The following CHM variants were observed in gnomAD, a reference collection of about 807,000 sequenced individuals.
The protein encoded by CHM is CHM Rab escort protein.
Under a neutral mutation model 49.0 loss-of-function variants are expected in CHM, and 10 were observed. That is an observed-to-expected ratio of 0.20 (90% CI 0.13 to 0.35). The LOEUF (loss-of-function observed/expected upper bound fraction) is 0.35, where lower values mean the gene tolerates loss of function less well. CHM is among the 10% of genes least tolerant of loss of function. The pLI, the probability that CHM is intolerant of heterozygous loss-of-function variation, is 1.00. For synonymous variants in CHM, 184 were observed against 167.5 expected (o/e 1.10, Z -0.76); for missense variants, 455 against 478.4 (o/e 0.95, Z 0.46).
intron 12 of CHM, among the ~76,000 whole-genome samples, chrX:85,880,487 C>G (rs1924694609): frequency 9.0e-6 from 1 of 111,074 alleles, no homozygotes; most frequent in South Asian, 3.8e-4. Flanking sequence ...GCCCAAAGTT[C>G]TCAATTTTCC....
chrX:85,896,029 C>A (rs187802441), intron 11 of CHM, among the ~76,000 whole-genome samples: 16 of 106,920 alleles, frequency 1.5e-4, no homozygotes, highest in African/African-American at 5.1e-4. Context: ...TGATAAAAAA[C>A]CATCAAAAAA....
intron 2 of CHM, among the ~76,000 whole-genome samples, chrX:85,990,060 T>A (rs1287825760): frequency 8.9e-6 from 1 of 112,273 alleles, no homozygotes; most frequent in Non-Finnish European, 1.9e-5. Flanking sequence ...GTAGCACTAT[T>A]CCCAATAGCT....
intron 8 of CHM, among the ~76,000 whole-genome samples, chrX:85,911,779 C>T (rs1927045098): frequency 9.0e-6 from 1 of 111,336 alleles, no homozygotes; most frequent in Non-Finnish European, 1.9e-5. Flanking sequence ...TAAATGTAAA[C>T]AAAATCTCCA....
At chrX:85,971,255 G>C (rs557896456) in intron 4 of CHM, 4 of 754,317 alleles carry the variant, frequency 5.3e-6, no homozygotes, top group Non-Finnish European at 6.3e-6. Flanking sequence ...GAATGCTATC[G>C]GTGTGTCCGG....
intron 11 of CHM, among the ~76,000 whole-genome samples, chrX:85,895,087 G>A (rs1457348935): frequency 9.2e-6 from 1 of 108,170 alleles, no homozygotes; most frequent in Non-Finnish European, 1.9e-5. Flanking sequence ...ACGCTAGATG[G>A]CTTTATATTT....
intron 8 of CHM, among the ~76,000 whole-genome samples, chrX:85,943,989 T>A (rs1929267422): frequency 8.9e-6 from 1 of 111,769 alleles, no homozygotes; most frequent in Non-Finnish European, 1.9e-5. Flanking sequence ...TTGAAGAATC[T>A]ACATCTATAA....
intron 4 of CHM, among the ~76,000 whole-genome samples, chrX:85,978,406 C>T (rs920635339): frequency 9.0e-6 from 1 of 111,419 alleles, no homozygotes; most frequent in East Asian, 2.8e-4. Flanking sequence ...GTGGCCCTGC[C>T]GTTTACCAAG....
At chrX:85,940,409 A>G (rs929890411) in intron 8 of CHM, among the ~76,000 whole-genome samples, 7 of 111,813 alleles carry the variant, frequency 6.3e-5, no homozygotes, top group African/African-American at 2.3e-4. Context: ...AAAGACTACA[A>G]CAATTCAATA....
intron 8 of CHM, among the ~76,000 whole-genome samples, chrX:85,913,364 G>GAAAGAA (rs1569411217): frequency 3.4e-4 from 23 of 68,286 alleles, no homozygotes; most frequent in African/African-American, 1.0e-3. Context: ...AAGAAAGAAA[G>GAAAGAA]AAAGAAAGAA....
intron 12 of CHM, among the ~76,000 whole-genome samples, chrX:85,888,832 T>G (rs1046484631): frequency 8.9e-6 from 1 of 112,276 alleles, no homozygotes; most frequent in African/African-American, 3.2e-5. Context: ...CTCACTTCAG[T>G]TTAAATGGCA....
rs761238552 is a variant in CHM at position 86,004,589 on chromosome X, TA to T, written c.117-22781del. 5.2e-3 allele frequency among the ~76,000 whole-genome samples: 571 copies of T among 110,018 alleles called. 2 individuals carry two copies. The highest frequency in any genetic ancestry group is 0.014 in the Middle Eastern group (3 of 214). On this transcript the variant is annotated intron_variant, in intron 2 of 14. Coordinates refer to ENST00000357749, the MANE Select transcript of CHM (RefSeq NM_000390.4). ...AGATCTACCAAGTAAATGGAAAGCA[TA>T]AAAAAAAGCAGGGTTTGCAATTCTA...
At chrX:85,932,319 T>A (rs1458160544) in intron 8 of CHM, among the ~76,000 whole-genome samples, 1 of 112,324 alleles carries the variant, frequency 8.9e-6, no homozygotes, top group African/African-American at 3.2e-5. Context: ...AATATTTGGT[T>A]TGTTCAATTG....
At chrX:85,953,474 A>G (rs1929852309) in intron 8 of CHM, among the ~76,000 whole-genome samples, 1 of 111,977 alleles carries the variant, frequency 8.9e-6, no homozygotes, top group Non-Finnish European at 1.9e-5. Context: ...AGCTATCCTG[A>G]GCAAAAATAA....
At chrX:86,010,421 AC>A (rs1933026109) in intron 2 of CHM, among the ~76,000 whole-genome samples, 1 of 109,817 alleles carries the variant, frequency 9.1e-6, no homozygotes, top group African/African-American at 3.3e-5. Flanking sequence ...ATAGTATTCT[AC>A]CAATATTAAT....
intron 5 of CHM, 120 bp from the exon 6 acceptor site, chrX:85,959,097 T>C (rs1930159032): frequency 2.3e-6 from 2 of 872,263 alleles, no homozygotes; most frequent in East Asian, 3.6e-5. Context: ...TACCTATAAA[T>C]ATTATAATAC....
chrX:86,021,958 A>G (rs1332754897), intron 2 of CHM, among the ~76,000 whole-genome samples: 2 of 112,175 alleles, frequency 1.8e-5, no homozygotes, highest in African/African-American at 6.5e-5. Flanking sequence ...GTACACTTAT[A>G]TGAATGAGGC....
At chrX:85,921,928 A>G (rs1927809352) in intron 8 of CHM, among the ~76,000 whole-genome samples, 1 of 112,201 alleles carries the variant, frequency 8.9e-6, no homozygotes, top group Non-Finnish European at 1.9e-5. Context: ...ATATACACAC[A>G]CACACGGGAA....
At chrX:85,950,802 G>A (rs1457392735) in intron 8 of CHM, among the ~76,000 whole-genome samples, 1 of 110,831 alleles carries the variant, frequency 9.0e-6, no homozygotes, top group Non-Finnish European at 1.9e-5. Context: ...TAAAGACAAA[G>A]AAATTAACAC....
At chrX:85,940,641 T>C (rs6623544) in intron 8 of CHM, among the ~76,000 whole-genome samples, 28 of 109,604 alleles carry the variant, frequency 2.6e-4, no homozygotes, top group African/African-American at 9.3e-4. Flanking sequence ...AAAAAAAATG[T>C]AAATAGTGCT....
Sources: gnomAD v4.1 joint callset for allele counts (sites outside exome capture counted in the v4.1 genomes callset) on GRCh38, gnomAD v4.1.1 for gene constraint, MANE v1.5 for transcripts, NCBI Gene and HGNC (gene_info 2026-07-23, HGNC 2026-07-21) for gene names.